NEK1: variants seen among roughly 807,000 people sequenced by gnomAD.
NEK1 encodes serine/threonine-protein kinase Nek1.
A neutral mutation model predicts 182.1 loss-of-function variants in NEK1; 137 were observed. The observed-to-expected ratio is 0.75, with a 90% CI of 0.65 to 0.87. The LOEUF is 0.87. NEK1 is among the 40% of genes least tolerant of loss of function. The pLI is 0.00. For synonymous variants in NEK1, 513 were observed against 492.2 expected, an observed-to-expected ratio of 1.04 and a Z score of -0.56; for missense variants, 1,391 against 1,494.4, an observed-to-expected ratio of 0.93 and a Z score of 1.14.
Position 169,479,432 on chromosome 4 carries a change from C to T in NEK1, c.2110G>A (p.Val704Ile), listed in dbSNP as rs201175678. Residue 704 changes from valine (V) to isoleucine (I), a missense_variant, in exon 24 of 36, where the codon GTA becomes ATA. Coordinates refer to ENST00000507142, the MANE Select transcript of NEK1 (RefSeq NM_001199397.3). ...CCAACTTCTTTCAAAGCTGAAGTTACAGAAATAACAGATCTCATCTGTTGC... is the reference window on the plus strand; with the variant it reads ...CCAACTTCTTTCAAAGCTGAAGTTATAGAAATAACAGATCTCATCTGTTGC... ...SKQQMRSVIS[V>I]TSALKEVGVD... The T allele has an allele frequency of 8.1e-5, 130 of 1,611,158 alleles. No individual in the cohort carries two copies. The highest frequency in any genetic ancestry group is 9.3e-5 in the Non-Finnish European group (110 of 1,178,778).
chr4:169,550,253 A>C (rs1219320376), intron 18 of NEK1, among the ~76,000 whole-genome samples: 6 of 152,112 alleles, frequency 3.9e-5, no homozygotes, highest in Non-Finnish European at 1.5e-5. Context: ...GCAAGACATG[A>C]CTTTACTTCT....
chr4:169,521,979 A>G (rs1190067859), intron 19 of NEK1, among the ~76,000 whole-genome samples: 2 of 152,152 alleles, frequency 1.3e-5, no homozygotes, highest in Non-Finnish European at 2.9e-5. Context: ...TCGGTCACAT[A>G]CTTTCTCCTG....
At chr4:169,488,952 T>C (rs1163999211) in intron 23 of NEK1, among the ~76,000 whole-genome samples, 2 of 152,342 alleles carry the variant, frequency 1.3e-5, no homozygotes, top group East Asian at 3.8e-4. Context: ...TTAGAGAATA[T>C]GCCCTTCATC....
At chr4:169,508,493 TTTAA>T (rs1305517878) in intron 20 of NEK1, among the ~76,000 whole-genome samples, 162 bp from the exon 21 acceptor site, 2 of 152,178 alleles carry the variant, frequency 1.3e-5, no homozygotes, top group Non-Finnish European at 2.9e-5. Flanking sequence ...CTTTCAAGTG[TTTAA>T]TTAAGAACAA....
intron 12 of NEK1, among the ~76,000 whole-genome samples, chr4:169,569,271 TAG>T (rs1340781930): frequency 6.6e-6 from 1 of 152,206 alleles, no homozygotes; most frequent in African/African-American, 2.4e-5. Flanking sequence ...TTTTTTACAT[TAG>T]ATTTTATTTT....
chr4:169,443,481 A>G (rs1456250824), intron 27 of NEK1, among the ~76,000 whole-genome samples: 2 of 152,020 alleles, frequency 1.3e-5, no homozygotes, highest in Non-Finnish European at 2.9e-5. Context: ...CTCAGAAAAT[A>G]AAGAAAAGGA....
chr4:169,586,333 T>C (rs1767533315), intron 9 of NEK1, among the ~76,000 whole-genome samples: 1 of 152,092 alleles, frequency 6.6e-6, no homozygotes, highest in South Asian at 2.1e-4. Context: ...TACTAAATGT[T>C]GAGCTCTCCT....
chr4:169,496,568 G>A (rs1379043973), intron 23 of NEK1, among the ~76,000 whole-genome samples: 4 of 150,946 alleles, frequency 2.6e-5, no homozygotes, highest in African/African-American at 5.0e-5. Context: ...ATTATTTTGA[G>A]ATACGTCCCA....
At chr4:169,496,199 CTGTT>C (rs1388883136) in intron 23 of NEK1, among the ~76,000 whole-genome samples, 88 of 152,172 alleles carry the variant, frequency 5.8e-4, no homozygotes, top group African/African-American at 1.9e-3. Flanking sequence ...ATTTGGCTCT[CTGTT>C]TGTCTGTTAT....
chr4:169,605,374 A>ACAC (rs1445724318), intron 2 of NEK1, among the ~76,000 whole-genome samples: 1 of 152,240 alleles, frequency 6.6e-6, no homozygotes, highest in Non-Finnish European at 1.5e-5. Context: ...TCAAATGCAG[A>ACAC]CACTTTTCTG....
Position 169,561,874 on chromosome 4 carries a change from T to C in NEK1, c.1098A>G (p.Arg366=), listed in dbSNP as rs1762963913. The stretch of plus-strand genomic sequence containing the variant: ...TTTCTTTTTCAATAAATTCCAGCCT[T>C]CTCTTTCTTGCTGCTTCCTTAAATA... The part of the protein sequence containing the change: ...RKISEEAARK[R]RLEFIEKEKK... The change falls in exon 14 of 36, where the codon AGA becomes AGG. Residue 366 remains arginine (R), a synonymous_variant. Transcript: ENST00000507142. 6.2e-7 allele frequency: 1 copy of C among 1,607,774 alleles called. No homozygotes were observed. The highest frequency in any genetic ancestry group is 8.5e-7 in the Non-Finnish European group (1 of 1,177,888).
intron 9 of NEK1, among the ~76,000 whole-genome samples, chr4:169,586,398 A>T (rs924847970): frequency 1.1e-4 from 17 of 152,198 alleles, no homozygotes; most frequent in African/African-American, 3.6e-4. Context: ...CCTAAATAGG[A>T]ATCCTAAATG....
intron 23 of NEK1, among the ~76,000 whole-genome samples, chr4:169,493,369 T>C (rs1389249855): frequency 1.3e-5 from 2 of 152,208 alleles, no homozygotes; most frequent in Non-Finnish European, 2.9e-5. Context: ...GAAAGAACTC[T>C]GGAAGTACAA....
At chr4:169,518,375 G>A (rs942638243) in intron 19 of NEK1, among the ~76,000 whole-genome samples, 1 of 132,684 alleles carries the variant, frequency 7.5e-6, no homozygotes, top group Non-Finnish European at 1.5e-5. Flanking sequence ...TTTTTATTGT[G>A]TCTATTTGAT....
chr4:169,608,803 A>C (rs2150164839), intron 2 of NEK1, among the ~76,000 whole-genome samples: 1 of 152,294 alleles, frequency 6.6e-6, no homozygotes, highest in South Asian at 2.1e-4. Flanking sequence ...TCACACTTGT[A>C]ATCCCAGCAC....
At chr4:169,440,008 G>A (rs1457553350) in intron 27 of NEK1, among the ~76,000 whole-genome samples, 3 of 151,630 alleles carry the variant, frequency 2.0e-5, no homozygotes, top group Non-Finnish European at 4.4e-5. Flanking sequence ...CACTATGCCT[G>A]GCTAATTTTT....
intron 11 of NEK1, among the ~76,000 whole-genome samples, chr4:169,579,676 C>T (rs1464622257): frequency 6.6e-6 from 1 of 151,886 alleles, no homozygotes; most frequent in African/African-American, 2.4e-5. Context: ...GTATTCCCAG[C>T]TACTTGGGAG....
At chr4:169,418,147 G>T (rs1450987577) in intron 31 of NEK1, among the ~76,000 whole-genome samples, 1 of 152,154 alleles carries the variant, frequency 6.6e-6, no homozygotes, top group Non-Finnish European at 1.5e-5. Context: ...GTTTCCTCAA[G>T]ATCACCTGTG....
At chr4:169,578,066 TAAAG>T (rs1222192897) in intron 11 of NEK1, among the ~76,000 whole-genome samples, 1 of 152,126 alleles carries the variant, frequency 6.6e-6, no homozygotes. Flanking sequence ...AATTGATTAT[TAAAG>T]AAATAATCAG....
Sources: allele counts gnomAD v4.1 joint callset (sites outside exome capture counted in the v4.1 genomes callset), GRCh38; gene constraint gnomAD v4.1.1; transcripts MANE v1.5; gene names NCBI Gene and HGNC (gene_info 2026-07-23, HGNC 2026-07-21).